The following NEDD4 variants were observed in gnomAD, a reference collection of about 807,000 sequenced individuals.
The protein encoded by NEDD4 is NEDD4 E3 ubiquitin protein ligase, also known as E3 ubiquitin-protein ligase NEDD4.
NEDD4 carries 99 observed loss-of-function variants against 144.9 expected under a neutral mutation model. The ratio of observed to expected loss-of-function variants is 0.68; its 90% CI spans 0.58 to 0.81. The LOEUF (loss-of-function observed/expected upper bound fraction) is 0.81. Ranked by LOEUF, NEDD4 falls within the 30% of genes least tolerant of loss-of-function variation. The pLI is 0.00. For missense variants in NEDD4, 985 were observed against 1,065.9 expected (o/e 0.92, Z 1.06); for synonymous variants, 318 against 350.6 (o/e 0.91, Z 1.04).
chr15:55,875,657 TAAAA>T (rs1246701623), intron 5 of NEDD4, among the ~76,000 whole-genome samples: 1 of 151,758 alleles, frequency 6.6e-6, no homozygotes, highest in Non-Finnish European at 1.5e-5. Context: ...ATACATGAAA[TAAAA>T]AAATTCAATA....
At chr15:55,931,209 G>A (rs188487543) in intron 4 of NEDD4, among the ~76,000 whole-genome samples, 90 of 152,274 alleles carry the variant, frequency 5.9e-4, no homozygotes, top group Non-Finnish European at 8.2e-4. Context: ...ACATAAGTTG[G>A]CTATTTATTC....
intron 4 of NEDD4, among the ~76,000 whole-genome samples, chr15:55,929,119 G>C (rs1171320542): frequency 6.6e-6 from 1 of 152,116 alleles, no homozygotes; most frequent in Non-Finnish European, 1.5e-5. Context: ...GAGGGCAGAG[G>C]AAGCTGAAAA....
intron 4 of NEDD4, among the ~76,000 whole-genome samples, chr15:55,940,668 T>C (rs921576357): frequency 1.2e-4 from 19 of 152,006 alleles, no homozygotes; most frequent in Non-Finnish European, 2.4e-4. Flanking sequence ...GCTGGGTCTA[T>C]AGGTGTGTGC....
At chr15:55,974,896 T>C (rs1467930803) in intron 1 of NEDD4, among the ~76,000 whole-genome samples, 10 of 125,956 alleles carry the variant, frequency 7.9e-5, no homozygotes, top group African/African-American at 3.0e-4. Context: ...CCTTTCTTTT[T>C]TTTTTTTTTT....
intron 21 of NEDD4, among the ~76,000 whole-genome samples, chr15:55,839,726 C>T (rs2033378791): frequency 6.6e-6 from 1 of 151,604 alleles, no homozygotes; most frequent in African/African-American, 2.4e-5. Flanking sequence ...GCCTGTAATC[C>T]CAGCACTTTG....
At chr15:55,954,887 T>C (rs111825283) in intron 2 of NEDD4, among the ~76,000 whole-genome samples, 4,415 of 151,868 alleles carry the variant, frequency 0.029, 72 homozygotes, top group Non-Finnish European at 0.035. Context: ...AGGTTTCATA[T>C]ATATAGGGGG....
At chr15:55,937,454 A>G (rs1357268795) in intron 4 of NEDD4, among the ~76,000 whole-genome samples, 1 of 152,224 alleles carries the variant, frequency 6.6e-6, no homozygotes, top group African/African-American at 2.4e-5. Flanking sequence ...ATTAGCATTG[A>G]TCCACACAAA....
chr15:55,903,591 G>A (rs1443368575), intron 5 of NEDD4, among the ~76,000 whole-genome samples: 5 of 152,052 alleles, frequency 3.3e-5, no homozygotes, highest in East Asian at 1.9e-4. Context: ...TTGGGAGGCC[G>A]AGGTGGGTGG....
chr15:55,869,909 A>G (rs533257376), intron 7 of NEDD4, among the ~76,000 whole-genome samples: 4 of 133,062 alleles, frequency 3.0e-5, no homozygotes, highest in South Asian at 5.2e-4. Context: ...TATGACACAA[A>G]GAAGATGCTA....
At chr15:55,866,336 C>A (rs2034588013) in intron 8 of NEDD4, among the ~76,000 whole-genome samples, 1 of 151,806 alleles carries the variant, frequency 6.6e-6, no homozygotes, top group Non-Finnish European at 1.5e-5. Flanking sequence ...TCTGCCCATC[C>A]ATGTTGATCT....
At chr15:55,974,737 A>C (rs78499307) in intron 1 of NEDD4, among the ~76,000 whole-genome samples, 6 of 150,592 alleles carry the variant, frequency 4.0e-5, no homozygotes, top group African/African-American at 9.8e-5. Flanking sequence ...AAAAAAAAAA[A>C]CCCTCAAAAA....
chr15:55,933,935 C>G (rs1219076442), intron 4 of NEDD4, among the ~76,000 whole-genome samples: 1 of 152,158 alleles, frequency 6.6e-6, no homozygotes, highest in Non-Finnish European at 1.5e-5. Context: ...AGGCAGGTCA[C>G]CTGAGGTCAG....
intron 5 of NEDD4, among the ~76,000 whole-genome samples, chr15:55,899,109 A>C (rs1432465986): frequency 6.6e-6 from 1 of 152,244 alleles, no homozygotes; most frequent in African/African-American, 2.4e-5. Flanking sequence ...AAGATTGTAC[A>C]TATGGCCAGA....
In NEDD4 at chr15:55,837,935, G is replaced by A. The variant is rs554219725; in HGVS notation, c.2202-86C>T. On this transcript the variant is annotated intron_variant, in intron 23 of 28. Transcript: ENST00000435532. The stretch of plus-strand genomic sequence containing the variant: ...TTCTAGTTAGAAACAAAAACTAAAG[G>A]CTAGCTGAGACCAAGGTAAAAGCTG... 8.2e-5 allele frequency: 95 copies of A among 1,152,860 alleles called. No individual in the cohort carries two copies. In the African/African-American group the frequency reaches 1.3e-3, roughly 16 times the overall value. 71.4% of individuals were successfully genotyped at this position (1,152,860 alleles called of 1,614,324 possible).
rs540921583 is a variant in NEDD4, at chr15:55,906,012, C to A, written c.291+18634G>T. ...TTCTCAAAAGAAGACATTTATGCAG[C>A]CAACAGACACATGAAAAAATGCTCA... On this transcript the variant is annotated intron_variant, in intron 5 of 28. Coordinates refer to ENST00000435532, the MANE Select transcript of NEDD4 (RefSeq NM_006154.4). Among the ~76,000 whole-genome samples the A allele has an allele frequency of 3.2e-3, 486 of 152,210 alleles. 3 individuals are homozygous for A. The highest frequency in any genetic ancestry group is 0.011 in the African/African-American group (461 of 41,530).
At chr15:55,853,736 C>T (rs754194504) in intron 12 of NEDD4, among the ~76,000 whole-genome samples, 49 of 152,176 alleles carry the variant, frequency 3.2e-4, no homozygotes, top group Non-Finnish European at 6.0e-4. Context: ...CCCCTGTAAT[C>T]CCAGCACTTT....
chr15:55,988,718 A>G (rs1178748436), intron 1 of NEDD4, among the ~76,000 whole-genome samples: 2 of 152,168 alleles, frequency 1.3e-5, no homozygotes, highest in African/African-American at 4.8e-5. Context: ...GTTGTTATGC[A>G]GGAAAGTATT....
intron 5 of NEDD4, among the ~76,000 whole-genome samples, chr15:55,905,674 G>T (rs1437822452): frequency 3.3e-5 from 5 of 152,164 alleles, no homozygotes; most frequent in East Asian, 3.8e-4. Flanking sequence ...AAACAAGAAA[G>T]AACTTTAAAA....
chr15:55,895,737 C>T (rs2035719258), intron 5 of NEDD4, among the ~76,000 whole-genome samples: 1 of 152,140 alleles, frequency 6.6e-6, no homozygotes, highest in African/African-American at 2.4e-5. Flanking sequence ...AAACATGTAT[C>T]TATTCAGTGT....
Sources: gnomAD v4.1 joint callset for allele counts (sites outside exome capture counted in the v4.1 genomes callset) on GRCh38, gnomAD v4.1.1 for gene constraint, MANE v1.5 for transcripts, NCBI Gene and HGNC (gene_info 2026-07-23, HGNC 2026-07-21) for gene names.